The following ABCC9 variants were observed in gnomAD, a reference collection of about 807,000 sequenced individuals.
The protein encoded by ABCC9 is ATP binding cassette subfamily C member 9, also known as ATP-binding cassette sub-family C member 9.
In ABCC9, 95 loss-of-function variants were observed where a neutral mutation model predicts 188.3. The observed-to-expected ratio is 0.50, with a 90% CI of 0.43 to 0.60. The LOEUF (loss-of-function observed/expected upper bound fraction) is 0.60, where lower values mean the gene tolerates loss of function less well. ABCC9 is among the 20% of genes least tolerant of loss of function. The pLI, the probability that ABCC9 is intolerant of heterozygous loss-of-function variation, is 0.00. For missense variants in ABCC9, 1,102 were observed against 1,876.3 expected, an observed-to-expected ratio of 0.59 and a Z score of 7.62; for synonymous variants, 659 against 652.7, an observed-to-expected ratio of 1.01 and a Z score of -0.15.
At chr12:21,828,835 G>T in intron 31 of ABCC9, 123 bp downstream of exon 31, 1 of 811,978 alleles carries the variant, frequency 1.2e-6, no homozygotes, top group Non-Finnish European at 2.2e-6. Context: ...CTATTTTAAA[G>T]TCCAGAAAAT....
At chr12:21,897,995 A>G (rs1407856103) in intron 12 of ABCC9, among the ~76,000 whole-genome samples, 2 of 152,166 alleles carry the variant, frequency 1.3e-5, no homozygotes, top group African/African-American at 2.4e-5. Context: ...TTTTAATTCT[A>G]AAGTGGAGTT....
intron 18 of ABCC9, among the ~76,000 whole-genome samples, chr12:21,865,705 C>T (rs1945741165): frequency 6.6e-6 from 1 of 152,106 alleles, no homozygotes; most frequent in Admixed American, 6.6e-5. Flanking sequence ...CAGCCCAACG[C>T]AGAGATATGG....
chr12:21,901,243 T>C (rs550433412), intron 12 of ABCC9, among the ~76,000 whole-genome samples: 1 of 152,032 alleles, frequency 6.6e-6, no homozygotes, highest in Admixed American at 6.6e-5. Context: ...ACTTTACAGA[T>C]AAGCAAATGC....
intron 14 of ABCC9, among the ~76,000 whole-genome samples, chr12:21,890,714 G>T (rs536372792): frequency 6.6e-6 from 1 of 151,222 alleles, no homozygotes; most frequent in Non-Finnish European, 1.5e-5. Context: ...GCAAACTATC[G>T]CAAGGACAAA....
chr12:21,938,396 A>G (rs1364657984), intron 2 of ABCC9, among the ~76,000 whole-genome samples: 1 of 152,180 alleles, frequency 6.6e-6, no homozygotes, highest in Non-Finnish European at 1.5e-5. Flanking sequence ...TAATCTGGAT[A>G]AAAGAATAAA....
chr12:21,890,645 A>T (rs1025743556), intron 14 of ABCC9, among the ~76,000 whole-genome samples: 9 of 152,190 alleles, frequency 5.9e-5, no homozygotes, highest in Non-Finnish European at 7.3e-5. Context: ...CAGCCATAAA[A>T]AATGATGAGT....
intron 5 of ABCC9, among the ~76,000 whole-genome samples, chr12:21,921,812 C>A (rs765374189): frequency 6.6e-5 from 10 of 151,964 alleles, no homozygotes; most frequent in Non-Finnish European, 1.0e-4. Flanking sequence ...TTCCCAGAAC[C>A]ATTTATTGAA....
intron 8 of ABCC9, 101 bp downstream of exon 8, chr12:21,912,771 A>AAT (rs72509843): frequency 7.5e-6 from 9 of 1,202,388 alleles, no homozygotes; most frequent in Non-Finnish European, 1.1e-5. Flanking sequence ...CTCTGAAAAA[A>AAT]AGCCTATTTG....
chr12:21,812,013 C>G (rs1228618677), intron 36 of ABCC9, 36 bp downstream of exon 36: 7 of 1,440,826 alleles, frequency 4.9e-6, no homozygotes, highest in Non-Finnish European at 6.8e-6. Flanking sequence ...AGGCTAAATC[C>G]TAAGGCATAC....
intron 4 of ABCC9, among the ~76,000 whole-genome samples, chr12:21,933,455 C>T (rs1949365268): frequency 6.6e-6 from 1 of 151,974 alleles, no homozygotes; most frequent in Admixed American, 6.6e-5. Flanking sequence ...TGGCTCTATC[C>T]TCACTGATTC....
intron 15 of ABCC9, among the ~76,000 whole-genome samples, chr12:21,884,660 C>T (rs1946786139): frequency 6.6e-6 from 1 of 152,104 alleles, no homozygotes; most frequent in Admixed American, 6.5e-5. Context: ...CCCAAACTAT[C>T]AAATAGTACA....
At chr12:21,803,932 AAGT>A (rs1223232046) in intron 39 of ABCC9, among the ~76,000 whole-genome samples, 1 of 152,172 alleles carries the variant, frequency 6.6e-6, no homozygotes, top group Non-Finnish European at 1.5e-5. Context: ...CAGCTAACCA[AAGT>A]AATAAGCTCT....
Position 21,910,855 on chromosome 12 carries a change from T to C in ABCC9, c.1135A>G (p.Thr379Ala). 1 of 1,612,478 alleles carries C rather than the reference T, an allele frequency of 6.2e-7. No homozygotes were observed. The highest frequency in any genetic ancestry group is 1.1e-5 in the South Asian group (1 of 91,056). The change falls in exon 9 of 40, where the codon ACT (threonine) becomes GCT (alanine). Residue 379 changes from threonine to alanine, a missense_variant. Transcript: ENST00000261200. ...AGAGCTCCACGGAGGTTAATGCCAG[T>C]CTCTATGGTTACATAGTAGGAAGCC... ...LQASYYVTIE[T>A]GINLRGALLA...
At position 21,859,577 on chromosome 12, in the gene ABCC9, T is replaced by C. The variant is rs775057293; in HGVS notation, c.2505+9A>G. 3 of 1,613,160 alleles carry C rather than the reference T, an allele frequency of 1.9e-6. No individual in the cohort carries two copies. The highest frequency in any genetic ancestry group is 2.5e-6 in the Non-Finnish European group (3 of 1,179,148). On this transcript the variant is annotated intron_variant, in intron 22 of 39. Transcript: ENST00000261200. Reference sequence around the variant, plus strand: ...GAAATAGAAATAAAAGGGAAGGCCATATTCTTACCAAAAAGACAATGTTGG... The same window carrying C: ...GAAATAGAAATAAAAGGGAAGGCCACATTCTTACCAAAAAGACAATGTTGG...
At chr12:21,839,496 T>C (rs1406966908) in intron 29 of ABCC9, among the ~76,000 whole-genome samples, 1 of 152,180 alleles carries the variant, frequency 6.6e-6, no homozygotes, top group Non-Finnish European at 1.5e-5. Context: ...AACACAGACA[T>C]ATACTGAATG....
chr12:21,861,187 C>A (rs2137506761), intron 20 of ABCC9, 132 bp from the exon 21 acceptor site: 2 of 745,232 alleles, frequency 2.7e-6, no homozygotes, highest in Non-Finnish European at 4.7e-6. Flanking sequence ...AGCCTCTGCT[C>A]TACATTTCTG....
intron 7 of ABCC9, 50 bp from the exon 8 acceptor site, chr12:21,913,116 CT>C: frequency 6.7e-7 from 1 of 1,500,748 alleles, no homozygotes; most frequent in Non-Finnish European, 9.1e-7. Context: ...AATAAAACTG[CT>C]TAGAGCAGTA....
At position 21,912,939 on chromosome 12, in the gene ABCC9, G is replaced by A; in HGVS notation, c.944C>T (p.Pro315Leu). The stretch of plus-strand genomic sequence containing the variant: ...CTGAACTATTCCAGAAATACAAAGA[G>A]GTCCAGCAAAACCCAGTAAATCAGC... ...YLADLLGFAG[P>L]LCISGIVQRV... The change falls in exon 8 of 40, where the codon CCT becomes CTT. Residue 315 changes from proline (P) to leucine (L), a missense_variant. By Grantham distance (98) the Pro-to-Leu change is moderately conservative. This residue lies in a region of ABCC9 where 305 missense variants were observed against 573.0 expected (regional missense o/e 0.53). Transcript: ENST00000261200. 1 of 1,613,620 alleles carries A rather than the reference G, an allele frequency of 6.2e-7. No individual in the cohort carries two copies. The highest frequency in any genetic ancestry group is 8.5e-7 in the Non-Finnish European group (1 of 1,179,726).
intron 16 of ABCC9, among the ~76,000 whole-genome samples, chr12:21,882,492 G>GA (rs1946673821): frequency 1.3e-5 from 2 of 152,134 alleles, no homozygotes; most frequent in African/African-American, 4.8e-5. Context: ...AGGAATACCA[G>GA]AAAAAATACA....
Sources: gnomAD v4.1 joint callset for allele counts (sites outside exome capture counted in the v4.1 genomes callset) on GRCh38, gnomAD v4.1.1 for gene constraint, gnomAD v4.1.1 regional missense constraint, MANE v1.5 for transcripts, NCBI Gene and HGNC (gene_info 2026-07-23, HGNC 2026-07-21) for gene names.